Variants in MCTP2 observed in about 807,000 individuals in gnomAD.
MCTP2 encodes multiple C2 and transmembrane domain-containing protein 2.
MCTP2 carries 132 observed loss-of-function variants against 111.6 expected under a neutral mutation model. The ratio of observed to expected loss-of-function variants is 1.18; its 90% CI spans 1.03 to 1.37. The LOEUF (loss-of-function observed/expected upper bound fraction) is 1.37. MCTP2 is among the 40% of genes most tolerant of loss of function. The pLI is 0.00. For missense variants in MCTP2, 1,183 were observed against 1,067.9 expected (o/e 1.11, Z -1.50); for synonymous variants, 395 against 387.7 (o/e 1.02, Z -0.22).
chr15:94,431,596 G>C (rs940645660), intron 17 of MCTP2, among the ~76,000 whole-genome samples: 1 of 152,148 alleles, frequency 6.6e-6, no homozygotes, highest in Non-Finnish European at 1.5e-5. Context: ...ACAAAAAAAG[G>C]CAGTTACAAC....
chr15:94,478,505 C>G (rs1434855655), intron 22 of MCTP2, among the ~76,000 whole-genome samples: 1 of 152,112 alleles, frequency 6.6e-6, no homozygotes, highest in African/African-American at 2.4e-5. Context: ...GTCTGGGGTC[C>G]AGTATCAATT....
At chr15:94,281,878 A>G (rs1430261738) in intron 1 of MCTP2, among the ~76,000 whole-genome samples, 3 of 152,080 alleles carry the variant, frequency 2.0e-5, no homozygotes, top group Non-Finnish European at 4.4e-5. Context: ...TACTGAATAT[A>G]GGCCCGCAAT....
intron 20 of MCTP2, among the ~76,000 whole-genome samples, chr15:94,464,113 A>G (rs1328738914): frequency 6.7e-6 from 1 of 150,030 alleles, no homozygotes; most frequent in Non-Finnish European, 1.5e-5. Context: ...TTTTTTCTGG[A>G]AAAGTTTATG....
chr15:94,344,630 T>A (rs1000197154), intron 7 of MCTP2, among the ~76,000 whole-genome samples: 1 of 152,220 alleles, frequency 6.6e-6, no homozygotes, highest in Non-Finnish European at 1.5e-5. Flanking sequence ...TTCTTAATTA[T>A]GCAATAATTA....
At chr15:94,361,394 C>G (rs377225816) in intron 10 of MCTP2, among the ~76,000 whole-genome samples, 13 of 152,102 alleles carry the variant, frequency 8.5e-5, no homozygotes, top group South Asian at 4.1e-4. Context: ...TCTGGGGTCA[C>G]ACATCCTGAG....
At chr15:94,376,406 T>G (rs2152445206) in intron 12 of MCTP2, among the ~76,000 whole-genome samples, 1 of 152,312 alleles carries the variant, frequency 6.6e-6, no homozygotes, top group East Asian at 1.9e-4. Context: ...AATCCCTATG[T>G]CTAATGACAT....
chr15:94,297,034 G>C lies in MCTP2; in HGVS notation c.-65-1167G>C, dbSNP rs548085649. 6.6e-5 allele frequency among the ~76,000 whole-genome samples: 10 copies of C among 152,296 alleles called. No individual in the cohort carries two copies. In the East Asian group the frequency reaches 1.7e-3, roughly 26 times the overall value. ...GAGCTGGGGTGGGGCACAACAGCCA[G>C]GGTCCTTGATTTTAGAAAATGTGAT... On this transcript the variant is annotated intron_variant, in intron 1 of 22. Coordinates refer to ENST00000357742, the MANE Select transcript of MCTP2 (RefSeq NM_001385001.1).
At chr15:94,333,697 A>G (rs2077230578) in intron 4 of MCTP2, among the ~76,000 whole-genome samples, 1 of 152,168 alleles carries the variant, frequency 6.6e-6, no homozygotes, top group African/African-American at 2.4e-5. Flanking sequence ...CTGATGATAG[A>G]CTTGAGTTGC....
chr15:94,403,823 G>A (rs2152478226), intron 17 of MCTP2, among the ~76,000 whole-genome samples: 1 of 152,274 alleles, frequency 6.6e-6, no homozygotes, highest in South Asian at 2.1e-4. Context: ...GAGGCCCACA[G>A]CAAGGAAGAT....
chr15:94,405,981 G>T (rs1464098172), intron 17 of MCTP2, among the ~76,000 whole-genome samples: 97 of 152,092 alleles, frequency 6.4e-4, no homozygotes, highest in Non-Finnish European at 1.3e-4. Flanking sequence ...AGGCCAAATA[G>T]AACTGAAATA....
At chr15:94,440,320 T>C (rs1357419851) in intron 18 of MCTP2, 22 bp downstream of exon 18, 7 of 1,612,812 alleles carry the variant, frequency 4.3e-6, no homozygotes, top group Non-Finnish European at 5.1e-6. Context: ...TTCGGAGTTC[T>C]GACATTTGAC....
At chr15:94,390,132 A>ATATGTATATATATATATATATG (rs1358369611) in intron 14 of MCTP2, among the ~76,000 whole-genome samples, 1 of 90,476 alleles carries the variant, frequency 1.1e-5, no homozygotes, top group African/African-American at 3.8e-5. Flanking sequence ...ATATATATAT[A>ATATGTATATATATATATATATG]CTTAGATGTT....
rs1301225425 is a variant in MCTP2 at position 94,481,515 on chromosome 15, G to A, written c.*2481G>A. 1 of 152,286 alleles carries A rather than the reference G, an allele frequency of 6.6e-6. No homozygotes were observed. Among genetic ancestry groups the A allele is most frequent in the East Asian group, 1.9e-4 (1 of 5,196 alleles). 9.4% of individuals were successfully genotyped at this position (152,286 alleles called of 1,614,324 possible). ...ATAACCTCTCAGACGTCACGGCCATGATGCCAGTTACATTATGCCTAGTTA... is the reference window on the plus strand; with the variant it reads ...ATAACCTCTCAGACGTCACGGCCATAATGCCAGTTACATTATGCCTAGTTA... On this transcript the variant is annotated 3_prime_UTR_variant, in exon 23 of 23. Transcript: ENST00000357742.
chr15:94,336,911 C>T (rs941243800), intron 4 of MCTP2, among the ~76,000 whole-genome samples: 1 of 151,958 alleles, frequency 6.6e-6, no homozygotes, highest in Non-Finnish European at 1.5e-5. Context: ...AATGGAGGCA[C>T]CGTCTCTGGA....
chr15:94,314,984 G>A (rs1286647125), intron 3 of MCTP2: 1 of 328,914 alleles, frequency 3.0e-6, no homozygotes, highest in Non-Finnish European at 5.9e-6. Context: ...ACCCAGGGAA[G>A]AGCATGTGTC....
intron 1 of MCTP2, among the ~76,000 whole-genome samples, chr15:94,296,644 A>G (rs1440487657): frequency 6.6e-6 from 1 of 152,254 alleles, no homozygotes; most frequent in African/African-American, 2.4e-5. Context: ...ACTTTAAAGC[A>G]TCAGACACTG....
chr15:94,446,732 A>G (rs867513792), intron 19 of MCTP2, among the ~76,000 whole-genome samples: 104 of 152,326 alleles, frequency 6.8e-4, no homozygotes, highest in African/African-American at 2.4e-3. Context: ...AATGCTATCA[A>G]AAAGAAACTG....
At chr15:94,393,998 C>T (rs1250881545) in intron 14 of MCTP2, among the ~76,000 whole-genome samples, 1 of 124,822 alleles carries the variant, frequency 8.0e-6, no homozygotes, top group African/African-American at 3.1e-5. Context: ...TGTGGTGAGC[C>T]AAGACTGCAC....
intron 10 of MCTP2, among the ~76,000 whole-genome samples, chr15:94,362,056 A>G (rs2078970447): frequency 6.6e-6 from 1 of 152,166 alleles, no homozygotes; most frequent in East Asian, 1.9e-4. Context: ...TCCTAAAAAC[A>G]CTGGGGTTGG....
Sources: allele counts gnomAD v4.1 joint callset (sites outside exome capture counted in the v4.1 genomes callset), GRCh38; gene constraint gnomAD v4.1.1; transcripts MANE v1.5; gene names NCBI Gene and HGNC (gene_info 2026-07-23, HGNC 2026-07-21).